AUTS2: variants seen among roughly 807,000 people sequenced by gnomAD.
AUTS2 encodes the protein autism susceptibility gene 2 protein.
AUTS2 carries 17 observed loss-of-function variants against 112.4 expected under a neutral mutation model. The observed-to-expected ratio is 0.15, with a 90% CI of 0.10 to 0.23. The LOEUF (loss-of-function observed/expected upper bound fraction) is 0.23, where lower values mean the gene tolerates loss of function less well. Among genes scored for constraint, AUTS2 ranks in the 10% least tolerant of loss-of-function variants. The pLI, the probability that AUTS2 is intolerant of heterozygous loss-of-function variation, is 1.00. For missense variants in AUTS2, 1,510 were observed against 1,701.6 expected, an observed-to-expected ratio of 0.89 and a Z score of 1.98; for synonymous variants, 751 against 702.7, an observed-to-expected ratio of 1.07 and a Z score of -1.09.
At chr7:69,659,557 A>T (rs1795693616) in intron 1 of AUTS2, among the ~76,000 whole-genome samples, 7 of 115,556 alleles carry the variant, frequency 6.1e-5, no homozygotes, top group South Asian at 3.2e-4. Flanking sequence ...TTCCTATTTT[A>T]TGGATGGGAA....
At chr7:70,150,886 A>G (rs1326772308) in intron 4 of AUTS2, among the ~76,000 whole-genome samples, 3 of 152,222 alleles carry the variant, frequency 2.0e-5, no homozygotes, top group South Asian at 2.1e-4. Context: ...GTTCTATTAG[A>G]AACAACCAAA....
chr7:70,790,227 A>AGCC lies in AUTS2; in HGVS notation c.3018_3020dup (p.Pro1008dup). The AGCC allele has an allele frequency of 1.9e-6, 3 of 1,612,430 alleles. No homozygotes were observed. The highest frequency in any genetic ancestry group is 2.5e-6 in the Non-Finnish European group (3 of 1,179,716). Reference sequence around the variant, plus strand: ...GCCCCGCAGACCCACCGGGCCTCGGAGCCGCCGCCTCCCAACTCCTCGTCC... The same window carrying AGCC: ...GCCCCGCAGACCCACCGGGCCTCGGAGCCGCCGCCGCCTCCCAACTCCTCGTCC... On this transcript the variant is annotated inframe_insertion, in exon 19 of 19. Transcript: ENST00000342771. This position sits in a 1 kb window ranked among gnomAD's most constrained non-coding sequence, Gnocchi z 7.6.
At chr7:70,663,442 G>C (rs1807176261) in intron 5 of AUTS2, among the ~76,000 whole-genome samples, 1 of 152,170 alleles carries the variant, frequency 6.6e-6, no homozygotes, top group African/African-American at 2.4e-5. Context: ...ATAGCAAGTG[G>C]AGCCCCACAG....
At chr7:69,741,668 G>C (rs1462898725) in intron 1 of AUTS2, among the ~76,000 whole-genome samples, 1 of 151,000 alleles carries the variant, frequency 6.6e-6, no homozygotes, top group Non-Finnish European at 1.5e-5. Context: ...TGGCACCACT[G>C]TACTCCAGCC....
At chr7:70,530,486 C>T (rs996801996) in intron 5 of AUTS2, among the ~76,000 whole-genome samples, 4 of 152,068 alleles carry the variant, frequency 2.6e-5, no homozygotes, top group East Asian at 1.9e-4. Context: ...AGCTTCTGTG[C>T]GGCACAGATA....
At chr7:70,775,452 A>G in intron 13 of AUTS2, 66 bp downstream of exon 13, 2 of 1,256,006 alleles carry the variant, frequency 1.6e-6, no homozygotes, top group Non-Finnish European at 2.3e-6. Context: ...TAAAAATACA[A>G]GTCTATTACA....
intron 5 of AUTS2, among the ~76,000 whole-genome samples, chr7:70,606,924 A>C (rs1188862683): frequency 6.6e-6 from 1 of 151,972 alleles, no homozygotes; most frequent in African/African-American, 2.4e-5. Context: ...CACACACACA[A>C]CACATTGAAC....
intron 1 of AUTS2, among the ~76,000 whole-genome samples, chr7:69,719,914 G>A (rs1187589397): frequency 5.3e-5 from 8 of 152,070 alleles, no homozygotes; most frequent in African/African-American, 1.9e-4. Context: ...TGATTCCCTG[G>A]TAGGGACCCT....
At chr7:69,881,711 C>T (rs1053938968) in intron 1 of AUTS2, among the ~76,000 whole-genome samples, 1 of 152,110 alleles carries the variant, frequency 6.6e-6, no homozygotes, top group Non-Finnish European at 1.5e-5. Flanking sequence ...GAAATGCCTC[C>T]CCCCACAGCC....
At chr7:69,822,352 T>A (rs1410934342) in intron 1 of AUTS2, among the ~76,000 whole-genome samples, 1 of 152,168 alleles carries the variant, frequency 6.6e-6, no homozygotes, top group Non-Finnish European at 1.5e-5. Context: ...GTGTTATGGC[T>A]CACACCTGTA....
chr7:69,927,480 G>T (rs1021929834), intron 2 of AUTS2, among the ~76,000 whole-genome samples: 2 of 151,978 alleles, frequency 1.3e-5, no homozygotes, highest in Non-Finnish European at 2.9e-5. Flanking sequence ...GTTTTCACAG[G>T]ATCCTTAGGG....
chr7:69,696,865 C>T (rs1042928475), intron 1 of AUTS2, among the ~76,000 whole-genome samples: 2 of 152,134 alleles, frequency 1.3e-5, no homozygotes, highest in African/African-American at 4.8e-5. Flanking sequence ...TAATAAAAAC[C>T]ACTGAACCAG....
intron 5 of AUTS2, among the ~76,000 whole-genome samples, chr7:70,554,954 C>T (rs1801187477): frequency 6.6e-6 from 1 of 152,188 alleles, no homozygotes; most frequent in Admixed American, 6.5e-5. Flanking sequence ...TCTATTCCAC[C>T]ACTGTAGAAT....
chr7:70,639,452 C>A (rs1246823152), intron 5 of AUTS2, among the ~76,000 whole-genome samples: 1 of 151,264 alleles, frequency 6.6e-6, no homozygotes, highest in African/African-American at 2.4e-5. Context: ...CCTATCTTTA[C>A]CCACCAATAA....
chr7:70,466,786 T>C (rs1267862933), intron 5 of AUTS2, among the ~76,000 whole-genome samples: 1 of 152,162 alleles, frequency 6.6e-6, no homozygotes, highest in Non-Finnish European at 1.5e-5. Context: ...AAAAGATCAA[T>C]TGGGAGTCAG....
intron 1 of AUTS2, among the ~76,000 whole-genome samples, chr7:69,709,283 A>G (rs1798205805): frequency 6.6e-6 from 1 of 152,188 alleles, no homozygotes. Context: ...ATGGGGTAGC[A>G]TAGATCTTCT....
chr7:69,727,939 T>G (rs1465452216), intron 1 of AUTS2, among the ~76,000 whole-genome samples: 1 of 152,184 alleles, frequency 6.6e-6, no homozygotes, highest in Non-Finnish European at 1.5e-5. Context: ...TCAGAATCAT[T>G]TAGAAATGAA....
chr7:69,920,191 AATTATT>A (rs1172705556), intron 2 of AUTS2, among the ~76,000 whole-genome samples: 1 of 151,896 alleles, frequency 6.6e-6, no homozygotes, highest in Non-Finnish European at 1.5e-5. Flanking sequence ...AATGTAATGA[AATTATT>A]ATTATTATTA....
intron 4 of AUTS2, among the ~76,000 whole-genome samples, chr7:70,346,083 C>T (rs1297897926): frequency 6.6e-6 from 1 of 152,106 alleles, no homozygotes; most frequent in African/African-American, 2.4e-5. Flanking sequence ...GATCTCCATG[C>T]AAATTGATCT....
Sources: allele counts gnomAD v4.1 joint callset (sites outside exome capture counted in the v4.1 genomes callset), GRCh38; gene constraint gnomAD v4.1.1; non-coding constraint Gnocchi (gnomAD v3.1); transcripts MANE v1.5; gene names NCBI Gene and HGNC (gene_info 2026-07-23, HGNC 2026-07-21).